ARB2A: variants seen among roughly 807,000 people sequenced by gnomAD.
ARB2A encodes ARB2 cotranscriptional regulator A, also known as cotranscriptional regulator ARB2A.
At chr5:93,665,152 G>A in the ARB2A span, among the ~76,000 whole-genome samples, 2 of 152,090 alleles carry the variant, frequency 1.3e-5, no homozygotes, top group Non-Finnish European at 2.9e-5. Flanking sequence ...AGTTTCATAT[G>A]TATATTCAAT....
chr5:93,971,810 T>C, the ARB2A span, among the ~76,000 whole-genome samples: 1 of 152,080 alleles, frequency 6.6e-6, no homozygotes, highest in Admixed American at 6.6e-5. Context: ...TGGGGGATAG[T>C]GCCCCACCAG....
the ARB2A span, among the ~76,000 whole-genome samples, chr5:93,665,941 C>G: frequency 1.6e-3 from 238 of 152,258 alleles, 1 homozygote; most frequent in African/African-American, 5.6e-3. Context: ...GAAAGGCAGC[C>G]AGGTCTAAGC....
chr5:93,826,839 T>C, the ARB2A span, among the ~76,000 whole-genome samples: 1 of 145,888 alleles, frequency 6.9e-6, no homozygotes, highest in South Asian at 2.2e-4. Context: ...AGTGAGAACA[T>C]GCGGTGTTTG....
chr5:93,860,138 C>G, the ARB2A span, among the ~76,000 whole-genome samples: 1 of 152,002 alleles, frequency 6.6e-6, no homozygotes, highest in Non-Finnish European at 1.5e-5. Flanking sequence ...ACTAAAAATA[C>G]AAAAATTAGC....
At chr5:94,109,270 G>T in the ARB2A span, among the ~76,000 whole-genome samples, 3 of 152,170 alleles carry the variant, frequency 2.0e-5, no homozygotes, top group Non-Finnish European at 1.5e-5. Flanking sequence ...GTTGTCAGGG[G>T]CTGAAGGTAA....
the ARB2A span, among the ~76,000 whole-genome samples, chr5:93,679,026 G>C: frequency 2.6e-3 from 401 of 152,238 alleles, 1 homozygote; most frequent in African/African-American, 9.4e-3. Flanking sequence ...AACGTAAAAA[G>C]TGGAATATAA....
At chr5:93,692,037 G>T in the ARB2A span, among the ~76,000 whole-genome samples, 1 of 152,124 alleles carries the variant, frequency 6.6e-6, no homozygotes, top group East Asian at 1.9e-4. Flanking sequence ...ACTAAATATG[G>T]AAAGGAAAAA....
At chr5:93,930,154 T>C in the ARB2A span, among the ~76,000 whole-genome samples, 1 of 152,202 alleles carries the variant, frequency 6.6e-6, no homozygotes, top group East Asian at 1.9e-4. Context: ...GGAAAGGGGA[T>C]GTGAAATTTC....
the ARB2A span, chr5:93,910,820 C>T: frequency 6.6e-6 from 1 of 151,386 alleles, no homozygotes; most frequent in Non-Finnish European, 1.5e-5. Context: ...CTCAAGAAGA[C>T]ATTTATATTG....
the ARB2A span, among the ~76,000 whole-genome samples, chr5:93,834,746 G>A: frequency 2.0e-5 from 3 of 151,956 alleles, no homozygotes; most frequent in South Asian, 2.1e-4. Flanking sequence ...CTATTCCAAC[G>A]CAAATTTGTG....
chr5:93,873,969 G>C, the ARB2A span, among the ~76,000 whole-genome samples: 1 of 152,186 alleles, frequency 6.6e-6, no homozygotes, highest in Non-Finnish European at 1.5e-5. Flanking sequence ...CAAAGGGAAT[G>C]TTTGCAGGAT....
chr5:93,946,613 C>G, the ARB2A span, among the ~76,000 whole-genome samples: 1 of 151,932 alleles, frequency 6.6e-6, no homozygotes, highest in Non-Finnish European at 1.5e-5. Flanking sequence ...AAAGACAGAA[C>G]TATAATTTTA....
At chr5:93,828,760 A>G in the ARB2A span, among the ~76,000 whole-genome samples, 1 of 152,152 alleles carries the variant, frequency 6.6e-6, no homozygotes, top group African/African-American at 2.4e-5. Context: ...TCCCAGAATT[A>G]AGTTCAAACT....
chr5:93,805,829 C>T, the ARB2A span: 1 of 985,138 alleles, frequency 1.0e-6, no homozygotes. Flanking sequence ...TTGCACCATA[C>T]ACTTGTTGGT....
the ARB2A span, among the ~76,000 whole-genome samples, chr5:93,939,700 AC>A: frequency 6.6e-6 from 1 of 152,094 alleles, no homozygotes; most frequent in Non-Finnish European, 1.5e-5. Context: ...AGACCTTCCT[AC>A]AAATATTAAT....
At chr5:93,935,443 G>A in the ARB2A span, among the ~76,000 whole-genome samples, 1 of 152,124 alleles carries the variant, frequency 6.6e-6, no homozygotes, top group South Asian at 2.1e-4. Flanking sequence ...GTTGGTAGAG[G>A]TAACAGCATG....
At chr5:93,720,378 T>C in the ARB2A span, among the ~76,000 whole-genome samples, 2 of 152,294 alleles carry the variant, frequency 1.3e-5, no homozygotes, top group East Asian at 1.9e-4. Flanking sequence ...TCAAAGCCTT[T>C]GTCATAATGT....
the ARB2A span, among the ~76,000 whole-genome samples, chr5:94,007,459 C>T: frequency 6.6e-6 from 1 of 152,090 alleles, no homozygotes; most frequent in African/African-American, 2.4e-5. Flanking sequence ...AGTTAACATA[C>T]TATTGTTCAA....
the ARB2A span, among the ~76,000 whole-genome samples, chr5:93,915,980 A>G: frequency 2.6e-5 from 4 of 152,068 alleles, no homozygotes; most frequent in African/African-American, 7.2e-5. Flanking sequence ...AGTATTCTCA[A>G]TGTATTCAAG....
Sources: allele counts gnomAD v4.1 joint callset (sites outside exome capture counted in the v4.1 genomes callset), GRCh38; gene constraint gnomAD v4.1.1; transcripts MANE v1.5; gene names NCBI Gene and HGNC (gene_info 2026-07-23, HGNC 2026-07-21).